CASP4: variants seen among roughly 807,000 people sequenced by gnomAD.
CASP4 encodes the protein caspase-4.
CASP4 carries 29 observed loss-of-function variants against 41.3 expected under a neutral mutation model. The observed-to-expected ratio is 0.70, with a 90% confidence interval of 0.52 to 0.96. CASP4 has a LOEUF of 0.96. CASP4 is among the 40% of genes least tolerant of loss of function. The pLI, the probability that CASP4 is intolerant of heterozygous loss-of-function variation, is 0.00. For missense variants in CASP4, 447 were observed against 460.6 expected (o/e 0.97, Z 0.27); for synonymous variants, 185 against 158.4 (o/e 1.17, Z -1.26).
At chr11:104,944,576 G>A (rs1392171981) in intron 8 of CASP4, 172 bp downstream of exon 8, 2 of 542,796 alleles carry the variant, frequency 3.7e-6, no homozygotes, top group African/African-American at 1.9e-5. Flanking sequence ...TAGAGTTGGA[G>A]GAATCCAAAT....
At chr11:104,956,086 G>A (rs746901673) in intron 1 of CASP4, among the ~76,000 whole-genome samples, 16 of 151,276 alleles carry the variant, frequency 1.1e-4, no homozygotes, top group Non-Finnish European at 2.2e-4. Context: ...CTTAGTAAAG[G>A]GTAATATCTC....
At chr11:104,947,493 A>G in intron 6 of CASP4, 1 of 185,012 alleles carries the variant, frequency 5.4e-6, no homozygotes. Context: ...CTCAGCTTTT[A>G]TAGGGGCTTG....
At chr11:104,951,299 A>T in intron 3 of CASP4, 1 of 454,566 alleles carries the variant, frequency 2.2e-6, no homozygotes, top group Non-Finnish European at 3.9e-6. Context: ...ATCTTGAGGA[A>T]ACTAGATAAT....
chr11:104,944,865 T>C lies in CASP4; in HGVS notation c.1036-14A>G. The C allele has an allele frequency of 6.5e-7, 1 of 1,546,528 alleles. No individual in the cohort carries two copies. Among genetic ancestry groups the C allele is most frequent in the Non-Finnish European group, 8.9e-7 (1 of 1,118,892 alleles). Reference sequence around the variant, plus strand: ...TGATTGCTGTACCTGAAAAAGAAAATAGGCTGTAGATGAGATACGACTCTT... The same window carrying C: ...TGATTGCTGTACCTGAAAAAGAAAACAGGCTGTAGATGAGATACGACTCTT... On this transcript the variant is annotated splice_polypyrimidine_tract_variant and intron_variant, in intron 7 of 8. Coordinates refer to ENST00000444739, the MANE Select transcript of CASP4 (RefSeq NM_001225.4).
In CASP4 at chr11:104,948,564, C is replaced by T. The variant is rs1285636910; in HGVS notation, c.894G>A (p.Lys298=). Residue 298 remains lysine, a synonymous_variant, in exon 6 of 9, where the codon AAG becomes AAA. Coordinates refer to ENST00000444739, the MANE Select transcript of CASP4 (RefSeq NM_001225.4). ...TTGAAGAGCAGAAAGCAATGAAGTC[C>T]TTCTCCACGTGGGTCTTGTAAACAG... The part of the protein sequence containing the change: ...EDAVYKTHVE[K]DFIAFCSSTP... 3.1e-6 allele frequency: 5 copies of T among 1,610,106 alleles called. No homozygotes were observed. In the Admixed American group the frequency reaches 5.0e-5, roughly 16 times the overall value.
chr11:104,965,640 G>T lies in CASP4; in HGVS notation c.7+2879C>A, dbSNP rs183119845. On this transcript the variant is annotated intron_variant, in intron 1 of 8. Transcript: ENST00000444739. Reference sequence around the variant, plus strand: ...ACTTTGGGAAGGAATTCAGTTCATGGTTTGACTGAAACAAAACCGGTAACA... The same window carrying T: ...ACTTTGGGAAGGAATTCAGTTCATGTTTTGACTGAAACAAAACCGGTAACA... Among the ~76,000 whole-genome samples the T allele has an allele frequency of 5.7e-3, 870 of 152,274 alleles. 9 individuals are homozygous for T. Among genetic ancestry groups the T allele is most frequent in the African/African-American group, 0.019 (797 of 41,524 alleles).
intron 1 of CASP4, among the ~76,000 whole-genome samples, chr11:104,964,419 A>T (rs1028430111): frequency 6.6e-6 from 1 of 152,192 alleles, no homozygotes; most frequent in African/African-American, 2.4e-5. Context: ...CTGTGAAAAA[A>T]TTTTGAAGCA....
rs149184787 is a variant in CASP4, at chr11:104,949,394, C to T, written c.781+149G>A. 2.7e-3 allele frequency: 2,165 copies of T among 808,348 alleles called. 2 individuals are homozygous for T. Among genetic ancestry groups the T allele is most frequent in the Non-Finnish European group, 3.8e-3 (1,938 of 505,180 alleles). The allele number at this position is 808,348 out of a possible 1,614,324, so 50.1% of individuals were successfully genotyped here. On this transcript the variant is annotated intron_variant, in intron 5 of 8. Coordinates refer to ENST00000444739, the MANE Select transcript of CASP4 (RefSeq NM_001225.4). ...TTTGATGAGACAATTTCTTGTTATA[C>T]CAGACCCTTAGGTAGAGTTTCTTTA...
chr11:104,944,784 G>A lies in CASP4; in HGVS notation c.1103C>T (p.Thr368Ile). The change falls in exon 8 of 9, where the codon ACA (threonine) becomes ATA (isoleucine). Residue 368 changes from threonine to isoleucine, a missense_variant. Transcript: ENST00000444739. ...QMPTIERLSM[T>I]RYFYLFPGN ...GCCAGGAAAGAGGTAGAAATATCTT[G>A]TCATGGACAGTCGTTCTATGGTGGG... 1 of 1,612,790 alleles carries A rather than the reference G, an allele frequency of 6.2e-7. No homozygotes were observed. Among genetic ancestry groups the A allele is most frequent in the Non-Finnish European group, 8.5e-7 (1 of 1,178,916 alleles).
rs756692795 is a variant in CASP4, at chr11:104,954,752, T to C, written c.257A>G (p.Lys86Arg). 1 of 1,612,216 alleles carries C rather than the reference T, an allele frequency of 6.2e-7. No individual in the cohort carries two copies. The highest frequency in any genetic ancestry group is 8.5e-7 in the Non-Finnish European group (1 of 1,179,284). ...FFNIDQISPN[K>R]KAHPNMEAGP... ...TGTAAAAAATCCAGTCTTACCTTTT[T>C]TATTGGGGGATATTTGGTCTATGTT... The change falls in exon 2 of 9, where the codon AAA (lysine) becomes AGA (arginine). Residue 86 changes from lysine to arginine, a missense_variant. Lys to Arg is a conservative substitution (Grantham distance 26). Coordinates refer to ENST00000444739, the MANE Select transcript of CASP4 (RefSeq NM_001225.4).
Position 104,954,931 on chromosome 11 carries a change from C to G in CASP4, c.78G>C (p.Leu26Phe), listed in dbSNP as rs55767261. 1 of 1,613,472 alleles carries G rather than the reference C, an allele frequency of 6.2e-7. No homozygotes were observed. The highest frequency in any genetic ancestry group is 8.5e-7 in the Non-Finnish European group (1 of 1,179,628). ...GTACATTTTGTTCCACCAAGTTATC[C>G]AAAACACCAGTGAGGAAATCTTTGC... ...SLGKDFLTGV[L>F]DNLVEQNVLN... The change falls in exon 2 of 9, where the codon TTG becomes TTC. Residue 26 changes from leucine (L) to phenylalanine (F), a missense_variant. Transcript: ENST00000444739.
intron 1 of CASP4, among the ~76,000 whole-genome samples, 165 bp downstream of exon 1, chr11:104,968,354 A>G (rs1861020515): frequency 6.6e-6 from 1 of 152,222 alleles, no homozygotes; most frequent in South Asian, 2.1e-4. Context: ...CTCCGTCAAT[A>G]TCTCTAACAC....
At chr11:104,953,586 T>A (rs149812104) in intron 2 of CASP4, among the ~76,000 whole-genome samples, 6 of 152,274 alleles carry the variant, frequency 3.9e-5, no homozygotes, top group African/African-American at 1.2e-4. Flanking sequence ...TATCATACTA[T>A]CATGTGCTCC....
At chr11:104,951,122 A>G (rs376067771) in intron 3 of CASP4, 24 bp from the exon 4 acceptor site, 7 of 1,600,622 alleles carry the variant, frequency 4.4e-6, no homozygotes, top group Non-Finnish European at 4.3e-6. Context: ...AGATGCAATA[A>G]ATTTAATTTA....
chr11:104,957,476 G>A (rs886569751), intron 1 of CASP4, among the ~76,000 whole-genome samples: 1 of 152,104 alleles, frequency 6.6e-6, no homozygotes, highest in Non-Finnish European at 1.5e-5. Context: ...GAAGTCTGAG[G>A]TAGGAGGATT....
intron 8 of CASP4, chr11:104,943,249 G>T (rs527264635): frequency 3.1e-5 from 8 of 259,632 alleles, no homozygotes; most frequent in African/African-American, 1.1e-4. Context: ...AGAACCACGC[G>T]ATCTGGCTTC....
chr11:104,961,583 T>C (rs1425057256), intron 1 of CASP4, among the ~76,000 whole-genome samples: 1 of 152,188 alleles, frequency 6.6e-6, no homozygotes, highest in Non-Finnish European at 1.5e-5. Flanking sequence ...CACTGGGGTC[T>C]TGGTTGGCTC....
intron 7 of CASP4, among the ~76,000 whole-genome samples, chr11:104,945,410 G>A (rs947984516): frequency 5.9e-5 from 9 of 151,902 alleles, no homozygotes; most frequent in African/African-American, 2.2e-4. Context: ...CCACCACCAC[G>A]CCTAGCTAAT....
Position 104,956,855 on chromosome 11 carries a change from T to C in CASP4, c.8-1854A>G, listed in dbSNP as rs55753943. Among the ~76,000 whole-genome samples, 866 of 152,282 alleles carry C rather than the reference T, an allele frequency of 5.7e-3. 9 individuals carry two copies. The highest frequency in any genetic ancestry group is 0.02 in the African/African-American group (817 of 41,578). On this transcript the variant is annotated intron_variant, in intron 1 of 8. Transcript: ENST00000444739. ...TATTTGTGTGCTCAGTAAACTAATATAGTGTTGACTGAATAAATGATATGT... is the reference window on the plus strand; with the variant it reads ...TATTTGTGTGCTCAGTAAACTAATACAGTGTTGACTGAATAAATGATATGT...
Sources: gnomAD v4.1 joint callset for allele counts (sites outside exome capture counted in the v4.1 genomes callset) on GRCh38, gnomAD v4.1.1 for gene constraint, MANE v1.5 for transcripts, NCBI Gene and HGNC (gene_info 2026-07-23, HGNC 2026-07-21) for gene names.